Variants in RIT2 observed in about 807,000 individuals in gnomAD.
RIT2 encodes the protein Ras like without CAAX 2.
A neutral mutation model predicts 23.7 loss-of-function variants in RIT2; 24 were observed. The observed-to-expected ratio is 1.01, with a 90% CI of 0.73 to 1.43. The LOEUF (loss-of-function observed/expected upper bound fraction) is 1.43. Ranked by LOEUF, RIT2 falls within the 40% of genes most tolerant of loss-of-function variation. RIT2 has a pLI of 0.00. For synonymous variants in RIT2, 107 were observed against 91.1 expected, an observed-to-expected ratio of 1.17 and a Z score of -0.99; for missense variants, 236 against 266.9, an observed-to-expected ratio of 0.88 and a Z score of 0.81.
At chr18:42,758,941 A>T (rs1473190553) in intron 4 of RIT2, among the ~76,000 whole-genome samples, 2 of 152,040 alleles carry the variant, frequency 1.3e-5, no homozygotes, top group Non-Finnish European at 1.5e-5. Flanking sequence ...ATCAACTCCT[A>T]CAGTTCCCAA....
intron 4 of RIT2, among the ~76,000 whole-genome samples, chr18:42,768,843 A>G (rs925538981): frequency 6.6e-6 from 1 of 152,110 alleles, no homozygotes; most frequent in Non-Finnish European, 1.5e-5. Context: ...CTTGCCCTGA[A>G]GGCCTTCTCC....
intron 2 of RIT2, among the ~76,000 whole-genome samples, chr18:43,023,735 T>C (rs1598751299): frequency 6.6e-6 from 1 of 152,100 alleles, no homozygotes. Context: ...ATTTATTTTC[T>C]AGCTAAGGAA....
chr18:43,109,194 G>A (rs1016324179), intron 1 of RIT2, among the ~76,000 whole-genome samples: 1 of 152,176 alleles, frequency 6.6e-6, no homozygotes, highest in African/African-American at 2.4e-5. Context: ...ATTTGCAGAG[G>A]CAACAAACTG....
intron 2 of RIT2, among the ~76,000 whole-genome samples, chr18:43,032,966 G>T (rs907422868): frequency 1.3e-5 from 2 of 152,162 alleles, no homozygotes; most frequent in South Asian, 2.1e-4. Flanking sequence ...CAGACTGAGG[G>T]AACAAATAGG....
At chr18:43,107,623 T>A (rs1466286986) in intron 1 of RIT2, among the ~76,000 whole-genome samples, 1 of 152,138 alleles carries the variant, frequency 6.6e-6, no homozygotes. Context: ...AATTACTGGG[T>A]TACTTGGTTT....
chr18:42,793,263 A>T (rs1914082785), intron 4 of RIT2, among the ~76,000 whole-genome samples: 1 of 152,178 alleles, frequency 6.6e-6, no homozygotes, highest in African/African-American at 2.4e-5. Context: ...AAATGATACC[A>T]GTCAAATTTT....
In RIT2 at chr18:42,836,549, A is replaced by G. The variant is rs1307979311; in HGVS notation, c.426+87023T>C. Among the ~76,000 whole-genome samples, 10 of 152,178 alleles carry G rather than the reference A, an allele frequency of 6.6e-5. 1 individual carries two copies. Among genetic ancestry groups the G allele is most frequent in the Non-Finnish European group, 1.3e-4 (9 of 68,026 alleles). Reference sequence around the variant, plus strand: ...CTACTTCTTCAGAGCTTTATCTCAAAATGACAGAGGAGAAGCTTCGTTTGG... The same window carrying G: ...CTACTTCTTCAGAGCTTTATCTCAAGATGACAGAGGAGAAGCTTCGTTTGG... On this transcript the variant is annotated intron_variant, in intron 4 of 4. Transcript: ENST00000326695.
chr18:42,995,665 C>T (rs1313721802), intron 2 of RIT2, among the ~76,000 whole-genome samples: 1 of 152,136 alleles, frequency 6.6e-6, no homozygotes, highest in Non-Finnish European at 1.5e-5. Flanking sequence ...GCTCAGCCAC[C>T]AACTTAAAAA....
At chr18:42,759,754 CAT>C (rs1180406313) in intron 4 of RIT2, among the ~76,000 whole-genome samples, 14 of 80,268 alleles carry the variant, frequency 1.7e-4, no homozygotes, top group African/African-American at 4.2e-4. Context: ...CACACACACA[CAT>C]ACGGATATAT....
At chr18:43,061,437 A>G (rs1233606984) in intron 1 of RIT2, among the ~76,000 whole-genome samples, 4 of 152,112 alleles carry the variant, frequency 2.6e-5, no homozygotes, top group African/African-American at 9.7e-5. Flanking sequence ...TGGGTATGCT[A>G]CAGGTGATAG....
intron 1 of RIT2, among the ~76,000 whole-genome samples, chr18:43,073,191 C>T (rs1912936531): frequency 6.6e-6 from 1 of 152,190 alleles, no homozygotes; most frequent in African/African-American, 2.4e-5. Context: ...ACTTCTTAGT[C>T]AAATGACAGC....
intron 1 of RIT2, among the ~76,000 whole-genome samples, chr18:43,064,224 C>T (rs1461703299): frequency 6.6e-6 from 1 of 152,032 alleles, no homozygotes; most frequent in Non-Finnish European, 1.5e-5. Context: ...CTAGCATCTT[C>T]GTAACTACAG....
At chr18:43,091,659 A>C (rs936159348) in intron 1 of RIT2, among the ~76,000 whole-genome samples, 1 of 152,062 alleles carries the variant, frequency 6.6e-6, no homozygotes, top group Non-Finnish European at 1.5e-5. Context: ...TCCGGAAATT[A>C]AAACAAAATT....
chr18:42,837,159 T>C (rs944858691), intron 4 of RIT2, among the ~76,000 whole-genome samples: 25 of 85,998 alleles, frequency 2.9e-4, no homozygotes, highest in African/African-American at 1.0e-3. Context: ...TTTTCTTTTT[T>C]TTTTTTTTTT....
intron 4 of RIT2, among the ~76,000 whole-genome samples, chr18:42,821,676 G>C (rs1287947548): frequency 6.6e-6 from 1 of 152,096 alleles, no homozygotes; most frequent in African/African-American, 2.4e-5. Context: ...GTTTAGTTTG[G>C]AATATGTGTA....
At chr18:43,085,452 C>A (rs920423350) in intron 1 of RIT2, among the ~76,000 whole-genome samples, 2 of 152,134 alleles carry the variant, frequency 1.3e-5, no homozygotes, top group Non-Finnish European at 2.9e-5. Flanking sequence ...AAAAAGTATT[C>A]CCCTAGTCTA....
chr18:42,831,680 A>G (rs1000859509), intron 4 of RIT2, among the ~76,000 whole-genome samples: 1 of 152,178 alleles, frequency 6.6e-6, no homozygotes, highest in Admixed American at 6.5e-5. Context: ...ACATTTGTGA[A>G]TACTAAGTTC....
chr18:42,990,397 C>T (rs1326965811), intron 2 of RIT2, among the ~76,000 whole-genome samples: 7 of 152,264 alleles, frequency 4.6e-5, no homozygotes, highest in South Asian at 2.1e-4. Flanking sequence ...TCCAGGATAA[C>T]GGCTGACCAA....
intron 4 of RIT2, among the ~76,000 whole-genome samples, chr18:42,877,941 A>G (rs1467206202): frequency 6.6e-6 from 1 of 151,846 alleles, no homozygotes; most frequent in Non-Finnish European, 1.5e-5. Flanking sequence ...AAAATAATGA[A>G]TTCTGTGTTT....
Sources: allele counts gnomAD v4.1 joint callset (sites outside exome capture counted in the v4.1 genomes callset), GRCh38; gene constraint gnomAD v4.1.1; transcripts MANE v1.5; gene names NCBI Gene and HGNC (gene_info 2026-07-23, HGNC 2026-07-21).